The following GNB4 variants were observed in gnomAD, a reference collection of about 807,000 sequenced individuals.
GNB4 encodes G protein subunit beta 4.
Under a neutral mutation model 45.2 loss-of-function variants are expected in GNB4, and 28 were observed. The ratio of observed to expected loss-of-function variants is 0.62; its 90% CI spans 0.46 to 0.85. The LOEUF (loss-of-function observed/expected upper bound fraction) is 0.85, where lower values mean the gene tolerates loss of function less well. Among genes scored for constraint, GNB4 ranks in the 40% least tolerant of loss-of-function variants. The probability of loss-of-function intolerance (pLI) is 0.00; values close to 1 mark genes in which losing one functional copy is unlikely to be tolerated. For synonymous variants in GNB4, 132 were observed against 143.7 expected (o/e 0.92, Z 0.58); for missense variants, 321 against 425.4 (o/e 0.75, Z 2.16).
At chr3:179,527,782 GTGTA>G in the GNB4 span, among the ~76,000 whole-genome samples, 2,278 of 113,014 alleles carry the variant, frequency 0.02, 47 homozygotes, top group East Asian at 0.075. Flanking sequence ...AAGTGCGTGT[GTGTA>G]TGTATGTGTG....
At chr3:179,469,555 A>C in the GNB4 span, among the ~76,000 whole-genome samples, 3 of 152,240 alleles carry the variant, frequency 2.0e-5, no homozygotes, top group African/African-American at 7.2e-5. Flanking sequence ...TGAGTGAAAA[A>C]ATAAGATGCA....
At chr3:179,500,715 G>A in the GNB4 span, among the ~76,000 whole-genome samples, 3 of 152,166 alleles carry the variant, frequency 2.0e-5, no homozygotes, top group Non-Finnish European at 2.9e-5. Flanking sequence ...ATATCCATGA[G>A]GATGGAATGT....
chr3:179,406,991 TA>T (rs1366070236), intron 8 of GNB4, among the ~76,000 whole-genome samples: 2 of 152,338 alleles, frequency 1.3e-5, no homozygotes, highest in African/African-American at 2.4e-5. Flanking sequence ...TCAACTAAGA[TA>T]TTTTTTAAAA....
chr3:179,415,102 T>TAAACCCATTTACA, intron 5 of GNB4, 55 bp from the exon 6 acceptor site: 1 of 1,334,360 alleles, frequency 7.5e-7, no homozygotes, highest in Non-Finnish European at 1.0e-6. Flanking sequence ...ATCTATTGCA[T>TAAACCCATTTACA]AAACCCATTT....
chr3:179,510,743 G>A, the GNB4 span, among the ~76,000 whole-genome samples: 105 of 152,060 alleles, frequency 6.9e-4, no homozygotes, highest in African/African-American at 2.5e-3. Flanking sequence ...CTTTGCACAC[G>A]TTTGCCTTGT....
chr3:179,523,685 G>A, the GNB4 span, among the ~76,000 whole-genome samples: 2 of 152,122 alleles, frequency 1.3e-5, no homozygotes, highest in Admixed American at 1.3e-4. Context: ...TTGGTGTTGA[G>A]CAGGGTAAGG....
At chr3:179,412,958 T>C (rs964079391) in intron 8 of GNB4, among the ~76,000 whole-genome samples, 6 of 151,986 alleles carry the variant, frequency 3.9e-5, no homozygotes, top group Admixed American at 1.3e-4. Context: ...GGCAGGAAGA[T>C]TGCTTCAGCT....
At chr3:179,435,055 A>G (rs1490763405) in intron 1 of GNB4, among the ~76,000 whole-genome samples, 5 of 152,228 alleles carry the variant, frequency 3.3e-5, no homozygotes, top group African/African-American at 9.6e-5. Context: ...ATGAAATGGA[A>G]TAAAATAAAA....
the GNB4 span, among the ~76,000 whole-genome samples, chr3:179,463,942 T>C: frequency 6.6e-6 from 1 of 152,214 alleles, no homozygotes; most frequent in Non-Finnish European, 1.5e-5. Flanking sequence ...TACTGTATTA[T>C]ATACTTAATA....
At chr3:179,467,878 T>A in the GNB4 span, among the ~76,000 whole-genome samples, 4 of 151,778 alleles carry the variant, frequency 2.6e-5, no homozygotes, top group African/African-American at 9.7e-5. Flanking sequence ...AAATGTGATA[T>A]TACCTCTGTC....
chr3:179,516,763 A>T, the GNB4 span, among the ~76,000 whole-genome samples: 6 of 152,184 alleles, frequency 3.9e-5, no homozygotes, highest in African/African-American at 1.4e-4. Context: ...AGAGATTGAT[A>T]GGTGGAAGTT....
chr3:179,457,956 G>A, the GNB4 span, among the ~76,000 whole-genome samples: 1 of 150,502 alleles, frequency 6.6e-6, no homozygotes, highest in East Asian at 1.9e-4. Flanking sequence ...CCAGGCTGGA[G>A]TGCAGTGGCG....
chr3:179,487,647 C>G, the GNB4 span, among the ~76,000 whole-genome samples: 203 of 152,294 alleles, frequency 1.3e-3, 2 homozygotes, highest in East Asian at 0.03. Flanking sequence ...CACTCCTATA[C>G]TTAAAAAATA....
intron 2 of GNB4, among the ~76,000 whole-genome samples, chr3:179,421,430 A>G (rs1301265747): frequency 1.3e-5 from 2 of 152,254 alleles, no homozygotes; most frequent in African/African-American, 4.8e-5. Context: ...TACACCAAAC[A>G]TCAGTTTTTT....
chr3:179,522,372 T>G, the GNB4 span, among the ~76,000 whole-genome samples: 1 of 142,356 alleles, frequency 7.0e-6, no homozygotes, highest in South Asian at 2.1e-4. Context: ...CACCCCTATC[T>G]CCCTTCGCTG....
the GNB4 span, among the ~76,000 whole-genome samples, chr3:179,512,706 A>T: frequency 6.6e-6 from 1 of 152,218 alleles, no homozygotes; most frequent in Non-Finnish European, 1.5e-5. Flanking sequence ...AAAAAAACTA[A>T]CAATAGTTTT....
intron 5 of GNB4, among the ~76,000 whole-genome samples, 166 bp downstream of exon 5, chr3:179,416,327 A>G (rs1714797361): frequency 6.6e-6 from 1 of 152,232 alleles, no homozygotes. Flanking sequence ...AAAAAGGGTT[A>G]AACATTAAAA....
the GNB4 span, among the ~76,000 whole-genome samples, chr3:179,525,287 G>A: frequency 2.6e-5 from 4 of 152,130 alleles, no homozygotes; most frequent in Admixed American, 6.5e-5. Context: ...AGTTTGTATT[G>A]GGGCCCAAGC....
At chr3:179,512,812 C>T in the GNB4 span, among the ~76,000 whole-genome samples, 9 of 152,046 alleles carry the variant, frequency 5.9e-5, no homozygotes, top group East Asian at 1.9e-4. Context: ...CGTGCATGTA[C>T]GTGTGTGTGT....
Sources: allele counts gnomAD v4.1 joint callset (sites outside exome capture counted in the v4.1 genomes callset), GRCh38; gene constraint gnomAD v4.1.1; transcripts MANE v1.5; gene names NCBI Gene and HGNC (gene_info 2026-07-23, HGNC 2026-07-21).